The following CERS6 variants were observed in gnomAD, a reference collection of about 807,000 sequenced individuals.
CERS6 encodes the protein LAG1 homolog, ceramide synthase 6.
CERS6 carries 26 observed loss-of-function variants against 56.8 expected under a neutral mutation model. That is an observed-to-expected ratio of 0.46 (90% confidence interval 0.34 to 0.63). The LOEUF (loss-of-function observed/expected upper bound fraction) is 0.63, where lower values mean the gene tolerates loss of function less well. CERS6 is among the 30% of genes least tolerant of loss of function. The probability of loss-of-function intolerance (pLI) is 0.01; values close to 1 mark genes in which losing one functional copy is unlikely to be tolerated. For missense variants in CERS6, 415 were observed against 467.5 expected (o/e 0.89, Z 1.04); for synonymous variants, 164 against 173.3 (o/e 0.95, Z 0.42).
intron 1 of CERS6, among the ~76,000 whole-genome samples, chr2:168,518,832 T>C (rs1218849140): frequency 1.3e-5 from 2 of 152,186 alleles, no homozygotes; most frequent in African/African-American, 2.4e-5. Context: ...TGTTAACAGA[T>C]GGGTGCATCT....
At chr2:168,563,568 C>T (rs961282780) in intron 3 of CERS6, among the ~76,000 whole-genome samples, 9 of 152,052 alleles carry the variant, frequency 5.9e-5, no homozygotes, top group African/African-American at 1.7e-4. Context: ...GAGGCCGAGG[C>T]GGGCGGATCA....
At chr2:168,562,111 C>A (rs552388528) in intron 3 of CERS6, among the ~76,000 whole-genome samples, 2 of 152,164 alleles carry the variant, frequency 1.3e-5, no homozygotes, top group East Asian at 1.9e-4. Flanking sequence ...TTTCTTCTTT[C>A]GGGAGCTGTT....
intron 8 of CERS6, among the ~76,000 whole-genome samples, chr2:168,752,498 G>A (rs571109002): frequency 6.6e-6 from 1 of 152,270 alleles, no homozygotes; most frequent in South Asian, 2.1e-4. Context: ...ATAAGGTAAG[G>A]CTGCAGACTC....
intron 3 of CERS6, among the ~76,000 whole-genome samples, chr2:168,590,210 A>G (rs146622132): frequency 6.6e-6 from 1 of 152,188 alleles, no homozygotes; most frequent in African/African-American, 2.4e-5. Flanking sequence ...CTAGGAGAGG[A>G]TATGGTCATA....
chr2:168,500,912 G>A (rs1694568658), intron 1 of CERS6, among the ~76,000 whole-genome samples: 2 of 152,336 alleles, frequency 1.3e-5, no homozygotes, highest in South Asian at 4.1e-4. Context: ...TTGCCACAAT[G>A]TGGCCTAGCA....
At chr2:168,486,961 A>AT (rs1007921176) in intron 1 of CERS6, among the ~76,000 whole-genome samples, 22 of 151,546 alleles carry the variant, frequency 1.5e-4, no homozygotes, top group South Asian at 6.3e-4. Context: ...CCACTTAATG[A>AT]TTTTTTTTTC....
At chr2:168,610,171 GT>G (rs1684152254) in intron 3 of CERS6, among the ~76,000 whole-genome samples, 1 of 151,918 alleles carries the variant, frequency 6.6e-6, no homozygotes. Context: ...TAGAGACGGG[GT>G]TTCACCATGT....
intron 1 of CERS6, among the ~76,000 whole-genome samples, chr2:168,511,966 AC>A (rs1211233739): frequency 2.0e-5 from 3 of 152,154 alleles, no homozygotes; most frequent in Non-Finnish European, 4.4e-5. Context: ...ACACACACAC[AC>A]ACACACACAC....
chr2:168,592,018 C>T (rs1048187034), intron 3 of CERS6, among the ~76,000 whole-genome samples: 1 of 152,024 alleles, frequency 6.6e-6, no homozygotes, highest in African/African-American at 2.4e-5. Flanking sequence ...GTTGTGTTGC[C>T]GACTTTCAAC....
intron 6 of CERS6, among the ~76,000 whole-genome samples, chr2:168,712,610 C>T (rs1325883260): frequency 6.6e-6 from 1 of 152,084 alleles, no homozygotes; most frequent in Non-Finnish European, 1.5e-5. Context: ...ACTTTTTATT[C>T]AACAAAGTTA....
At chr2:168,628,712 A>G (rs775991342) in intron 3 of CERS6, among the ~76,000 whole-genome samples, 2 of 152,240 alleles carry the variant, frequency 1.3e-5, no homozygotes, top group Non-Finnish European at 2.9e-5. Context: ...TCTATACAAG[A>G]TGGCAGAAAG....
intron 1 of CERS6, among the ~76,000 whole-genome samples, chr2:168,497,349 G>C (rs1416501580): frequency 1.3e-5 from 2 of 151,824 alleles, no homozygotes; most frequent in Non-Finnish European, 2.9e-5. Context: ...AAATGTGTCA[G>C]GTAGTGATAA....
intron 4 of CERS6, among the ~76,000 whole-genome samples, chr2:168,643,858 T>A (rs1685105693): frequency 6.6e-6 from 1 of 152,208 alleles, no homozygotes; most frequent in South Asian, 2.1e-4. Flanking sequence ...CAGAATCACA[T>A]CTGCAGTTTC....
At chr2:168,631,816 T>TATAATATATATTATATAA (rs1684749423) in intron 4 of CERS6, among the ~76,000 whole-genome samples, 16 of 125,512 alleles carry the variant, frequency 1.3e-4, no homozygotes, top group Non-Finnish European at 4.9e-5. Flanking sequence ...ATATAATTTA[T>TATAATATATATTATATAA]TATATATTAT....
chr2:168,654,291 G>A (rs1295081794), intron 4 of CERS6, among the ~76,000 whole-genome samples: 3 of 152,192 alleles, frequency 2.0e-5, no homozygotes, highest in South Asian at 2.1e-4. Flanking sequence ...GCTAATGCCT[G>A]TAATCCCAAC....
At chr2:168,667,295 G>T (rs1332501391) in intron 4 of CERS6, among the ~76,000 whole-genome samples, 4 of 152,196 alleles carry the variant, frequency 2.6e-5, no homozygotes, top group African/African-American at 9.6e-5. Context: ...TGAACAAGTA[G>T]CACAGCATCT....
chr2:168,476,964 C>T (rs1694082937), intron 1 of CERS6, among the ~76,000 whole-genome samples: 1 of 152,046 alleles, frequency 6.6e-6, no homozygotes, highest in Admixed American at 6.6e-5. Flanking sequence ...CCAAAATTAA[C>T]CATCACAGGT....
At chr2:168,603,239 A>G (rs573146860) in intron 3 of CERS6, among the ~76,000 whole-genome samples, 26 of 152,320 alleles carry the variant, frequency 1.7e-4, no homozygotes, top group African/African-American at 6.0e-4. Flanking sequence ...ATGGGAAGAA[A>G]TGGGACTCTC....
chr2:168,746,775 GTATATATATATATATATATATATATATA>G (rs71003053), intron 8 of CERS6, among the ~76,000 whole-genome samples: 1,432 of 39,058 alleles, frequency 0.037, 93 homozygotes, highest in African/African-American at 0.1. Flanking sequence ...AGGGTAAAGG[GTATATATATATATATATATATATATATA>G]TATATATATA....
Sources: gnomAD v4.1 joint callset for allele counts (sites outside exome capture counted in the v4.1 genomes callset) on GRCh38, gnomAD v4.1.1 for gene constraint, MANE v1.5 for transcripts, NCBI Gene and HGNC (gene_info 2026-07-23, HGNC 2026-07-21) for gene names.